Variants in KCNH5 observed in about 807,000 individuals in gnomAD.
The protein encoded by KCNH5 is voltage-gated delayed rectifier potassium channel KCNH5.
In KCNH5, 46 loss-of-function variants were observed where a neutral mutation model predicts 96.1. The ratio of observed to expected loss-of-function variants is 0.48; its 90% confidence interval spans 0.38 to 0.61. The LOEUF (loss-of-function observed/expected upper bound fraction) is 0.61. Among genes scored for constraint, KCNH5 ranks in the 20% least tolerant of loss-of-function variants. The pLI is 0.00. For synonymous variants in KCNH5, 439 were observed against 449.8 expected (o/e 0.98, Z 0.30); for missense variants, 907 against 1,225.8 (o/e 0.74, Z 3.88).
chr14:63,021,903 C>CTAAT (rs762269470), intron 1 of KCNH5, among the ~76,000 whole-genome samples: 3 of 152,152 alleles, frequency 2.0e-5, no homozygotes, highest in Non-Finnish European at 4.4e-5. Flanking sequence ...AATAAGTATA[C>CTAAT]ATTAGAGTGC....
At chr14:62,920,511 T>G (rs1474023735) in intron 7 of KCNH5, among the ~76,000 whole-genome samples, 1 of 152,068 alleles carries the variant, frequency 6.6e-6, no homozygotes, top group Non-Finnish European at 1.5e-5. Context: ...TCCAGTGTGA[T>G]GCCCTGCCTA....
intron 9 of KCNH5, among the ~76,000 whole-genome samples, chr14:62,781,520 C>G (rs1034648436): frequency 6.6e-6 from 1 of 152,094 alleles, no homozygotes; most frequent in African/African-American, 2.4e-5. Context: ...CAGTCTCGAC[C>G]GTAAGAGACG....
chr14:63,042,099 T>C (rs1365974070), intron 1 of KCNH5, among the ~76,000 whole-genome samples: 1 of 152,014 alleles, frequency 6.6e-6, no homozygotes, highest in Non-Finnish European at 1.5e-5. Context: ...TTTGTGTCCA[T>C]TTCCCTTGCA....
At chr14:62,816,957 T>C (rs911964162) in intron 8 of KCNH5, among the ~76,000 whole-genome samples, 1 of 150,734 alleles carries the variant, frequency 6.6e-6, no homozygotes, top group African/African-American at 2.4e-5. Flanking sequence ...ACTGTGTTCA[T>C]TGTATTCTTA....
At chr14:62,756,072 A>C (rs1168031777) in intron 10 of KCNH5, among the ~76,000 whole-genome samples, 1 of 152,116 alleles carries the variant, frequency 6.6e-6, no homozygotes, top group East Asian at 1.9e-4. Flanking sequence ...CTCCACCAAA[A>C]AACTATTAGA....
At chr14:62,949,457 T>C (rs1166886843) in intron 7 of KCNH5, among the ~76,000 whole-genome samples, 7 of 152,226 alleles carry the variant, frequency 4.6e-5, no homozygotes, top group Admixed American at 4.6e-4. Context: ...CTTTATGTTC[T>C]GGTCTTCTGA....
intron 7 of KCNH5, among the ~76,000 whole-genome samples, chr14:62,854,004 CAAA>C (rs548263620): frequency 2.6e-4 from 22 of 84,220 alleles, no homozygotes; most frequent in African/African-American, 9.6e-4. Flanking sequence ...GAGACTCTGT[CAAA>C]AAAAAAAAAA....
chr14:62,811,671 T>C (rs922959190), intron 8 of KCNH5, among the ~76,000 whole-genome samples: 1 of 152,192 alleles, frequency 6.6e-6, no homozygotes, highest in Admixed American at 6.6e-5. Context: ...GAATTATCAA[T>C]AGATATTTCA....
intron 8 of KCNH5, among the ~76,000 whole-genome samples, chr14:62,840,718 C>T (rs540837296): frequency 9.9e-5 from 15 of 151,340 alleles, no homozygotes; most frequent in African/African-American, 3.1e-4. Context: ...TACAAGTACG[C>T]GCCACCACAT....
intron 4 of KCNH5, 52 bp downstream of exon 4, chr14:63,001,279 A>G (rs1215356207): frequency 6.6e-7 from 1 of 1,513,448 alleles, no homozygotes; most frequent in Non-Finnish European, 8.9e-7. Context: ...CAGTAAGAAG[A>G]TCTTTTAGCA....
chr14:62,972,089 AT>A (rs1890419218), intron 6 of KCNH5, among the ~76,000 whole-genome samples: 2 of 152,168 alleles, frequency 1.3e-5, no homozygotes. Flanking sequence ...GAGAGAAAAT[AT>A]TTGCAAAAGA....
At chr14:62,994,556 C>T (rs1043297139) in intron 4 of KCNH5, among the ~76,000 whole-genome samples, 7 of 151,938 alleles carry the variant, frequency 4.6e-5, no homozygotes, top group East Asian at 1.9e-4. Flanking sequence ...CAAAAAATAA[C>T]GGGAACACTT....
At chr14:62,925,141 G>A (rs188874402) in intron 7 of KCNH5, among the ~76,000 whole-genome samples, 6 of 151,894 alleles carry the variant, frequency 4.0e-5, no homozygotes, top group African/African-American at 1.4e-4. Flanking sequence ...GAAATTGATT[G>A]TTTGCCCTGG....
intron 10 of KCNH5, among the ~76,000 whole-genome samples, chr14:62,722,979 GCACTTTCAAATA>G (rs1256267702): frequency 6.6e-6 from 1 of 152,134 alleles, no homozygotes; most frequent in Non-Finnish European, 1.5e-5. Flanking sequence ...AGCTTGTAAT[GCACTTTCAAATA>G]CACTACCCTA....
chr14:62,887,843 T>G (rs1888629550), intron 7 of KCNH5, among the ~76,000 whole-genome samples: 1 of 152,166 alleles, frequency 6.6e-6, no homozygotes. Context: ...TGCTATTGAG[T>G]AGTCTCACAT....
At chr14:62,980,784 G>T in intron 6 of KCNH5, 88 bp downstream of exon 6, 1 of 1,374,666 alleles carries the variant, frequency 7.3e-7, no homozygotes, top group Non-Finnish European at 9.9e-7. Flanking sequence ...GCTAAAAAGA[G>T]GTTTGGATTA....
intron 7 of KCNH5, among the ~76,000 whole-genome samples, chr14:62,906,326 T>C (rs778158283): frequency 1.3e-5 from 2 of 152,172 alleles, no homozygotes; most frequent in Non-Finnish European, 1.5e-5. Context: ...TACTTGGTGC[T>C]GTGAGAATAT....
chr14:62,949,985 T>G, intron 7 of KCNH5, 148 bp downstream of exon 7: 1 of 652,992 alleles, frequency 1.5e-6, no homozygotes, highest in Non-Finnish European at 2.6e-6. Flanking sequence ...ATTTCTATTT[T>G]CTAAGGTAGA....
intron 6 of KCNH5, among the ~76,000 whole-genome samples, chr14:62,962,337 T>TA (rs886815892): frequency 5.3e-5 from 8 of 152,038 alleles, no homozygotes; most frequent in African/African-American, 1.7e-4. Context: ...AATCCAGATA[T>TA]AAAAAAATGC....
Sources: allele counts gnomAD v4.1 joint callset (sites outside exome capture counted in the v4.1 genomes callset), GRCh38; gene constraint gnomAD v4.1.1; transcripts MANE v1.5; gene names NCBI Gene and HGNC (gene_info 2026-07-23, HGNC 2026-07-21).